Variants in SLC12A8 observed in about 807,000 individuals in gnomAD.
SLC12A8 encodes the protein cation-chloride cotransporter 9.
In SLC12A8, 69 loss-of-function variants were observed where a neutral mutation model predicts 75.6. The ratio of observed to expected loss-of-function variants is 0.91; its 90% CI spans 0.75 to 1.11. The LOEUF (loss-of-function observed/expected upper bound fraction) is 1.11, where lower values mean the gene tolerates loss of function less well. Ranked by LOEUF, SLC12A8 falls within the 50% of genes most tolerant of loss-of-function variation. The pLI, the probability that SLC12A8 is intolerant of heterozygous loss-of-function variation, is 0.00. For missense variants in SLC12A8, 877 were observed against 896.7 expected, an observed-to-expected ratio of 0.98 and a Z score of 0.28; for synonymous variants, 365 against 372.8, an observed-to-expected ratio of 0.98 and a Z score of 0.24.
At chr3:125,175,891 C>T (rs1342887870) in intron 5 of SLC12A8, among the ~76,000 whole-genome samples, 4 of 152,252 alleles carry the variant, frequency 2.6e-5, no homozygotes, top group East Asian at 3.9e-4. Flanking sequence ...GGGGTTAACC[C>T]TTTAGGTGCC....
At chr3:125,088,273 T>G in intron 13 of SLC12A8, 37 bp downstream of exon 13, 1 of 1,605,670 alleles carries the variant, frequency 6.2e-7, no homozygotes, top group South Asian at 1.1e-5. Context: ...CTCTGGACAC[T>G]CATCCATTCT....
chr3:125,085,096 T>G (rs1938425143), intron 13 of SLC12A8, among the ~76,000 whole-genome samples: 1 of 152,234 alleles, frequency 6.6e-6, no homozygotes, highest in Non-Finnish European at 1.5e-5. Context: ...AGCCAGTTGT[T>G]GAGAACATGT....
At position 125,107,788 on chromosome 3, in the gene SLC12A8, G is replaced by C; in HGVS notation, c.1398C>G (p.Leu466=). 6.2e-7 allele frequency: 1 copy of C among 1,614,144 alleles called. No individual in the cohort carries two copies. Among genetic ancestry groups the C allele is most frequent in the Non-Finnish European group, 8.5e-7 (1 of 1,180,028 alleles). Residue 466 remains leucine (L), a synonymous_variant, in exon 10 of 14, where the codon CTC becomes CTG. Transcript: ENST00000469902. The part of the protein sequence containing the change: ...LEFTKDMDQL[L]QLTRKLESSQ... Reference sequence around the variant, plus strand: ...TACTCTCAAGCTTCCTGGTTAGCTGGAGGAGCTGATCCATGTCCTTGGTGA... The same window carrying C: ...TACTCTCAAGCTTCCTGGTTAGCTGCAGGAGCTGATCCATGTCCTTGGTGA...
At chr3:125,095,900 T>G (rs1171390498) in intron 10 of SLC12A8, among the ~76,000 whole-genome samples, 1 of 151,896 alleles carries the variant, frequency 6.6e-6, no homozygotes, top group Non-Finnish European at 1.5e-5. Context: ...GCCTTGGCTC[T>G]CTCTCTTACC....
intron 13 of SLC12A8, 110 bp downstream of exon 13, chr3:125,088,200 T>A (rs1418478804): frequency 9.4e-7 from 1 of 1,063,972 alleles, no homozygotes; most frequent in Non-Finnish European, 1.4e-6. Flanking sequence ...GTTGTTAGGT[T>A]CCCATGCCAC....
At chr3:125,090,652 C>T (rs575651351) in intron 12 of SLC12A8, among the ~76,000 whole-genome samples, 1 of 152,264 alleles carries the variant, frequency 6.6e-6, no homozygotes, top group African/African-American at 2.4e-5. Context: ...GTATTTTTCC[C>T]TTCAGCTTCA....
chr3:125,193,048 C>T (rs771003535), intron 2 of SLC12A8, among the ~76,000 whole-genome samples: 3 of 152,208 alleles, frequency 2.0e-5, no homozygotes, highest in Non-Finnish European at 2.9e-5. Context: ...CCAGATGCCA[C>T]GCTGCCTCCC....
intron 10 of SLC12A8, among the ~76,000 whole-genome samples, chr3:125,102,580 AG>A (rs1938908729): frequency 6.6e-6 from 1 of 152,176 alleles, no homozygotes. Context: ...TCCAGGTACA[AG>A]ATGATGAGCG....
intron 8 of SLC12A8, among the ~76,000 whole-genome samples, chr3:125,111,215 A>G (rs1939179667): frequency 6.6e-6 from 1 of 152,184 alleles, no homozygotes; most frequent in Non-Finnish European, 1.5e-5. Flanking sequence ...TTGGTGCCCA[A>G]CACAGAAATA....
intron 5 of SLC12A8, among the ~76,000 whole-genome samples, chr3:125,168,422 G>A (rs906136888): frequency 5.3e-5 from 8 of 152,196 alleles, no homozygotes; most frequent in South Asian, 2.1e-4. Flanking sequence ...GTAGAGATCC[G>A]ACAGGAGCTG....
intron 8 of SLC12A8, among the ~76,000 whole-genome samples, chr3:125,110,890 T>C (rs923024633): frequency 3.3e-5 from 5 of 152,212 alleles, no homozygotes; most frequent in Non-Finnish European, 7.3e-5. Flanking sequence ...AGGCTCTTCA[T>C]GGTCTGTGAC....
intron 8 of SLC12A8, among the ~76,000 whole-genome samples, chr3:125,114,917 T>A (rs1226480982): frequency 1.3e-5 from 2 of 152,246 alleles, no homozygotes; most frequent in African/African-American, 4.8e-5. Flanking sequence ...ACACTGTTTA[T>A]ACAATTCCTT....
In SLC12A8 at chr3:125,107,718, TC is replaced by T. The variant is rs1939067136; in HGVS notation, c.1467del (p.Lys490ArgfsTer83). ...QGEGNRTPES[Q>X]KRKSKKATKQ... is the part of the protein sequence containing the mutation. ...TTGGTGGCCTTCTTGCTTTTCCTCT[TC>T]TGACTTTCTGGGGTCCTGTTACCCT... On this transcript the variant is annotated frameshift_variant, in exon 10 of 14. Transcript: ENST00000469902. LOFTEE classifies it high-confidence loss of function. The T allele has an allele frequency of 6.2e-7, 1 of 1,614,034 alleles. No individual in the cohort carries two copies. The highest frequency in any genetic ancestry group is 1.3e-5 in the African/African-American group (1 of 74,920).
rs772549032 is a variant in SLC12A8, at chr3:125,187,221, C to T, written c.390+16G>A. ...AGAGGGCCAGGCAGGGGAAGCATCC[C>T]GGGCGCAGGCCTCACCTGTCCAAAC... On this transcript the variant is annotated intron_variant, in intron 4 of 13. Coordinates refer to ENST00000469902, the MANE Select transcript of SLC12A8 (RefSeq NM_024628.6). The T allele has an allele frequency of 1.8e-5, 29 of 1,607,110 alleles. No homozygotes were observed. Among genetic ancestry groups the T allele is most frequent in the Middle Eastern group, 1.7e-4 (1 of 5,992 alleles).
At chr3:125,148,047 T>C (rs1933828005) in intron 5 of SLC12A8, among the ~76,000 whole-genome samples, 1 of 152,200 alleles carries the variant, frequency 6.6e-6, no homozygotes, top group Non-Finnish European at 1.5e-5. Context: ...AGAGAGCAGG[T>C]CAGAGAGGTT....
At chr3:125,160,821 T>G (rs1278539557) in intron 5 of SLC12A8, among the ~76,000 whole-genome samples, 1 of 148,144 alleles carries the variant, frequency 6.8e-6, no homozygotes, top group African/African-American at 2.5e-5. Context: ...GGTGGTCACA[T>G]GGGACTCGGA....
At chr3:125,126,038 C>T in intron 6 of SLC12A8, 1 of 418,058 alleles carries the variant, frequency 2.4e-6, no homozygotes, top group Non-Finnish European at 3.2e-6. Flanking sequence ...TACCCAAAAA[C>T]ATTTTTTCTC....
At chr3:125,210,866 G>GA (rs1460384115) in intron 2 of SLC12A8, among the ~76,000 whole-genome samples, 1 of 151,590 alleles carries the variant, frequency 6.6e-6, no homozygotes, top group Non-Finnish European at 1.5e-5. Flanking sequence ...AGAAGATAAA[G>GA]AAAAAAGAAG....
At chr3:125,091,905 G>A (rs1938589705) in intron 11 of SLC12A8, among the ~76,000 whole-genome samples, 196 bp downstream of exon 11, 2 of 152,104 alleles carry the variant, frequency 1.3e-5, no homozygotes, top group African/African-American at 4.8e-5. Context: ...ATTTAAAAAG[G>A]AAATTATTGA....
Sources: gnomAD v4.1 joint callset for allele counts (sites outside exome capture counted in the v4.1 genomes callset) on GRCh38, gnomAD v4.1.1 for gene constraint, MANE v1.5 for transcripts, NCBI Gene and HGNC (gene_info 2026-07-23, HGNC 2026-07-21) for gene names.